DENND4C: variants seen among roughly 807,000 people sequenced by gnomAD.
DENND4C encodes DENN domain-containing protein 4C.
A neutral mutation model predicts 203.0 loss-of-function variants in DENND4C; 108 were observed. That is an observed-to-expected ratio of 0.53 (90% CI 0.46 to 0.62). The LOEUF is 0.62. DENND4C is among the 20% of genes least tolerant of loss of function. The pLI is 0.00. For missense variants in DENND4C, 2,481 were observed against 2,301.2 expected (o/e 1.08, Z -1.60); for synonymous variants, 871 against 792.4 (o/e 1.10, Z -1.67).
chr9:19,261,934 A>G (rs908785099), intron 1 of DENND4C, among the ~76,000 whole-genome samples: 1 of 151,600 alleles, frequency 6.6e-6, no homozygotes, highest in African/African-American at 2.4e-5. Flanking sequence ...TAAGTACTTT[A>G]TTTTATTTGT....
chr9:19,368,613 A>G (rs994103662), intron 30 of DENND4C, among the ~76,000 whole-genome samples: 2 of 152,152 alleles, frequency 1.3e-5, no homozygotes, highest in African/African-American at 2.4e-5. Flanking sequence ...GCTGGGCAAC[A>G]TAGTGGGAGC....
At chr9:19,336,038 T>A (rs1820389056) in intron 18 of DENND4C, among the ~76,000 whole-genome samples, 1 of 152,130 alleles carries the variant, frequency 6.6e-6, no homozygotes. Flanking sequence ...TCTTTTGTTT[T>A]TTTTGACAAT....
intron 2 of DENND4C, 47 bp from the exon 3 acceptor site, chr9:19,286,722 G>C (rs1281774193): frequency 8.4e-7 from 1 of 1,192,320 alleles, no homozygotes; most frequent in African/African-American, 1.6e-5. Context: ...ATATGTATGT[G>C]TGTATGTATA....
intron 20 of DENND4C, among the ~76,000 whole-genome samples, chr9:19,340,117 C>T (rs1255053576): frequency 6.6e-6 from 1 of 152,108 alleles, no homozygotes; most frequent in Non-Finnish European, 1.5e-5. Flanking sequence ...TCGGGGATCC[C>T]AGGTTCTTTT....
At position 19,346,416 on chromosome 9, in the gene DENND4C, A is replaced by G. The variant is rs781742202; in HGVS notation, c.3647A>G (p.Gln1216Arg). The G allele has an allele frequency of 1.5e-5, 24 of 1,614,086 alleles. No homozygotes were observed. The highest frequency in any genetic ancestry group is 1.9e-5 in the Non-Finnish European group (23 of 1,180,040). The stretch of plus-strand genomic sequence containing the variant: ...CTACTAAGTGATAGTAACAGTAATC[A>G]GTCCAGAGACTTGAAAACAGTATCC... Reference protein sequence around the residue: ...ESLLSDSNSNQSRDLKTVSKD... With the variant: ...ESLLSDSNSNRSRDLKTVSKD... The change falls in exon 23 of 33, where the codon CAG becomes CGG. Residue 1216 changes from glutamine (Q) to arginine (R), a missense_variant. Transcript: ENST00000434457.
rs143328524 is a variant in DENND4C, at chr9:19,372,120, C to G, written c.5824C>G (p.Pro1942Ala). The part of the protein sequence containing the change: ...LERLQKIDAP[P>A]SASVEWCRKC... ...AAGGTTGCAGAAAATTGATGCTCCA[C>G]CAAGTGCCAGTGTCGAGTGGTGCAG... Residue 1942 changes from proline (P) to alanine (A), a missense_variant, in exon 33 of 33, where the codon CCA (proline) becomes GCA (alanine). This residue lies in a region of DENND4C where 2,289 missense variants were observed against 2,113.3 expected (regional missense o/e 1.08). Transcript: ENST00000434457. 786 of 1,614,028 alleles carry G rather than the reference C, an allele frequency of 4.9e-4. No individual in the cohort carries two copies. The highest frequency in any genetic ancestry group is 4.0e-4 in the Non-Finnish European group (468 of 1,179,956).
chr9:19,331,457 T>A (rs1488003008), intron 16 of DENND4C, among the ~76,000 whole-genome samples: 1 of 152,130 alleles, frequency 6.6e-6, no homozygotes, highest in East Asian at 1.9e-4. Context: ...TGCCTTGGCC[T>A]CCCAAAGTGC....
chr9:19,239,982 C>A (rs779376156), intron 1 of DENND4C, among the ~76,000 whole-genome samples: 1 of 152,110 alleles, frequency 6.6e-6, no homozygotes, highest in Non-Finnish European at 1.5e-5. Flanking sequence ...TTTCTGTTTA[C>A]TTGTTCTGTG....
At chr9:19,272,779 G>T (rs528341891) in intron 1 of DENND4C, among the ~76,000 whole-genome samples, 146 of 147,594 alleles carry the variant, frequency 9.9e-4, no homozygotes, top group African/African-American at 3.8e-3. Context: ...TTTTTATTTT[G>T]TTTTTTGAGA....
At chr9:19,259,916 T>TA (rs1237441250) in intron 1 of DENND4C, among the ~76,000 whole-genome samples, 2 of 152,218 alleles carry the variant, frequency 1.3e-5, no homozygotes, top group African/African-American at 4.8e-5. Context: ...AGTGCTGCAA[T>TA]AAACATGGGA....
chr9:19,299,490 A>G (rs1246369616), intron 8 of DENND4C, among the ~76,000 whole-genome samples: 1 of 152,144 alleles, frequency 6.6e-6, no homozygotes, highest in Non-Finnish European at 1.5e-5. Flanking sequence ...AATGGGAACA[A>G]TTAAGAGAGT....
chr9:19,264,384 A>G (rs201690118), intron 1 of DENND4C, among the ~76,000 whole-genome samples: 1 of 151,814 alleles, frequency 6.6e-6, no homozygotes, highest in Non-Finnish European at 1.5e-5. Flanking sequence ...TCGGCTCACT[A>G]CAACCTCCAC....
intron 2 of DENND4C, among the ~76,000 whole-genome samples, chr9:19,282,808 C>T (rs1834385236): frequency 3.6e-5 from 5 of 139,138 alleles, no homozygotes. Flanking sequence ...TCTCTGCTTC[C>T]TGGGTTCAGG....
chr9:19,258,174 A>G (rs368618527), intron 1 of DENND4C, among the ~76,000 whole-genome samples: 1 of 152,154 alleles, frequency 6.6e-6, no homozygotes, highest in Non-Finnish European at 1.5e-5. Flanking sequence ...AGGCAAGCCA[A>G]ATAGCCTCGT....
Position 19,372,325 on chromosome 9 carries a change from G to A in DENND4C, c.*152G>A. ...TATATAATGAATTATGATTCATATTGCATTACCTTGAAATATGAAGTGCCA... is the reference window on the plus strand; with the variant it reads ...TATATAATGAATTATGATTCATATTACATTACCTTGAAATATGAAGTGCCA... On this transcript the variant is annotated 3_prime_UTR_variant, in exon 33 of 33. Coordinates refer to ENST00000434457, the MANE Select transcript of DENND4C (RefSeq NM_001330640.2). 3 of 909,810 alleles carry A rather than the reference G, an allele frequency of 3.3e-6. No individual in the cohort carries two copies. In the Admixed American group the frequency reaches 9.2e-5, roughly 28 times the overall value. 56.4% of individuals were successfully genotyped at this position (909,810 alleles called of 1,614,324 possible).
intron 1 of DENND4C, among the ~76,000 whole-genome samples, chr9:19,245,543 A>G (rs1473052614): frequency 6.7e-6 from 1 of 149,316 alleles, no homozygotes; most frequent in Non-Finnish European, 1.5e-5. Context: ...CTTTATCACC[A>G]TGATCTGTAA....
Position 19,273,983 on chromosome 9 carries a change from GT to G in DENND4C, c.-17-2172del, listed in dbSNP as rs565361047. Among the ~76,000 whole-genome samples the G allele has an allele frequency of 7.9e-5, 12 of 152,154 alleles. No individual in the cohort carries two copies. In the East Asian group the frequency reaches 2.3e-3, roughly 29 times the overall value. On this transcript the variant is annotated intron_variant, in intron 1 of 32. Coordinates refer to ENST00000434457, the MANE Select transcript of DENND4C (RefSeq NM_001330640.2). ...ATTCACAGCAGCTTTATCTGTGATA[GT>G]TTCACACGGGAAATAACCTAAATGT...
In DENND4C at chr9:19,326,131, C is replaced by A; in HGVS notation, c.2057C>A (p.Thr686Asn). 6.2e-7 allele frequency: 1 copy of A among 1,613,512 alleles called. No homozygotes were observed. Among genetic ancestry groups the A allele is most frequent in the Non-Finnish European group, 8.5e-7 (1 of 1,179,704 alleles). ...ELDDSQKSEH[T>N]VFIMPPEPPP... ...GATGATTCACAGAAAAGTGAGCATA[C>A]TGTATTTATAATGCCGCCAGAGCCA... The change falls in exon 15 of 33, where the codon ACT becomes AAT. Residue 686 changes from threonine to asparagine, a missense_variant. Thr to Asn is a moderately conservative substitution (Grantham distance 65, BLOSUM62 0). This residue lies in a region of DENND4C where 2,289 missense variants were observed against 2,113.3 expected (regional missense o/e 1.08). Coordinates refer to ENST00000434457, the MANE Select transcript of DENND4C (RefSeq NM_001330640.2).
chr9:19,232,462 T>C (rs1462445438), intron 1 of DENND4C, among the ~76,000 whole-genome samples: 8 of 152,242 alleles, frequency 5.3e-5, no homozygotes, highest in Non-Finnish European at 8.8e-5. Flanking sequence ...AGTACTACTA[T>C]TTAGACTTAC....
Sources: gnomAD v4.1 joint callset for allele counts (sites outside exome capture counted in the v4.1 genomes callset) on GRCh38, gnomAD v4.1.1 for gene constraint, gnomAD v4.1.1 regional missense constraint, MANE v1.5 for transcripts, NCBI Gene and HGNC (gene_info 2026-07-23, HGNC 2026-07-21) for gene names.